Variants in RAP1GAP observed in about 807,000 individuals in gnomAD.
RAP1GAP encodes the protein RAP1 GTPase activating protein.
In RAP1GAP, 35 loss-of-function variants were observed where a neutral mutation model predicts 87.2. That is an observed-to-expected ratio of 0.40 (90% CI 0.31 to 0.53). The LOEUF (loss-of-function observed/expected upper bound fraction) is 0.53, where lower values mean the gene tolerates loss of function less well. Among genes scored for constraint, RAP1GAP ranks in the 20% least tolerant of loss-of-function variants. The probability of loss-of-function intolerance (pLI) is 0.48; values close to 1 mark genes in which losing one functional copy is unlikely to be tolerated. For synonymous variants in RAP1GAP, 375 were observed against 363.9 expected (o/e 1.03, Z -0.35); for missense variants, 734 against 898.9 (o/e 0.82, Z 2.35).
rs1285816834 is a variant in RAP1GAP, at chr1:21,602,793, C to G, written c.1538+11G>C. 1 of 1,598,430 alleles carries G rather than the reference C, an allele frequency of 6.3e-7. No homozygotes were observed. Among genetic ancestry groups the G allele is most frequent in the Admixed American group, 1.7e-5 (1 of 59,780 alleles). On this transcript the variant is annotated intron_variant, in intron 19 of 24. Transcript: ENST00000374765. ...TGCAGGGGAATGGGGCACTGTCCCC[C>G]ACTCACCCACCTCTTCTCCTGCACC...
intron 21 of RAP1GAP, among the ~76,000 whole-genome samples, 188 bp from the exon 22 acceptor site, chr1:21,598,690 C>T (rs560757379): frequency 6.6e-6 from 1 of 152,328 alleles, no homozygotes; most frequent in African/African-American, 2.4e-5. Context: ...AGGCACAGAC[C>T]CAGGCACACG....
At chr1:21,645,388 G>A (rs1239200294) in intron 2 of RAP1GAP, among the ~76,000 whole-genome samples, 1 of 152,138 alleles carries the variant, frequency 6.6e-6, no homozygotes, top group Non-Finnish European at 1.5e-5. Flanking sequence ...GCTGAGGGAG[G>A]AGGATCGCTT....
At chr1:21,637,811 A>C (rs1039049121) in intron 2 of RAP1GAP, among the ~76,000 whole-genome samples, 8 of 152,098 alleles carry the variant, frequency 5.3e-5, no homozygotes, top group Non-Finnish European at 8.8e-5. Context: ...CAAAAATCTC[A>C]TTTGTAAAAA....
At chr1:21,660,352 T>TATATATATA (rs1248298305) in intron 1 of RAP1GAP, among the ~76,000 whole-genome samples, 14 of 85,888 alleles carry the variant, frequency 1.6e-4, no homozygotes, top group East Asian at 6.2e-4. Context: ...TATATATTTA[T>TATATATATA]TGAGACAGTC....
At chr1:21,639,600 C>T (rs1036506735) in intron 2 of RAP1GAP, among the ~76,000 whole-genome samples, 5 of 152,148 alleles carry the variant, frequency 3.3e-5, no homozygotes, top group African/African-American at 7.2e-5. Flanking sequence ...AGAGAATGCA[C>T]GTGAAAGTAC....
chr1:21,605,620 G>A (rs1340394478), intron 18 of RAP1GAP, among the ~76,000 whole-genome samples: 1 of 151,904 alleles, frequency 6.6e-6, no homozygotes, highest in Admixed American at 6.6e-5. Context: ...TGTCCACACA[G>A]CAGCCCAGGG....
intron 1 of RAP1GAP, among the ~76,000 whole-genome samples, chr1:21,660,874 T>C (rs947283276): frequency 6.6e-6 from 1 of 152,158 alleles, no homozygotes; most frequent in Non-Finnish European, 1.5e-5. Flanking sequence ...TGCCTTCATT[T>C]ACCCCAGGGG....
intron 18 of RAP1GAP, among the ~76,000 whole-genome samples, chr1:21,605,524 G>A (rs1279338819): frequency 6.6e-6 from 1 of 152,080 alleles, no homozygotes; most frequent in Non-Finnish European, 1.5e-5. Context: ...CAGAGTTGAT[G>A]CCCACACAGC....
At position 21,608,446 on chromosome 1, in the gene RAP1GAP, T is replaced by C. The variant is rs577956623; in HGVS notation, c.1159-96A>G. Reference sequence around the variant, plus strand: ...GCCACCTTCTGAGGCACGGGCCACCTTCTCTGAATGAGTGGGGAGTGGGGA... The same window carrying C: ...GCCACCTTCTGAGGCACGGGCCACCCTCTCTGAATGAGTGGGGAGTGGGGA... On this transcript the variant is annotated intron_variant, in intron 16 of 24. Transcript: ENST00000374765. 269 of 1,488,262 alleles carry C rather than the reference T, an allele frequency of 1.8e-4. 4 individuals are homozygous for C. In the Middle Eastern group the frequency reaches 2.6e-3, roughly 15 times the overall value. 92.2% of individuals were successfully genotyped at this position (1,488,262 alleles called of 1,614,324 possible).
chr1:21,610,133 C>A lies in RAP1GAP; in HGVS notation c.986G>T (p.Gly329Val), dbSNP rs2077329159. The A allele has an allele frequency of 6.2e-7, 1 of 1,613,758 alleles. No homozygotes were observed. The highest frequency in any genetic ancestry group is 1.3e-5 in the African/African-American group (1 of 74,914). The change falls in exon 14 of 25, where the codon GGC becomes GTC. Residue 329 changes from glycine (G) to valine (V), a missense_variant. Transcript: ENST00000374765. Reference sequence around the variant, plus strand: ...AAGAGCGCCCACCTTGTAGAGGGGGCCATCAGGGCCCCCGCCCTCAGCCTG... The same window carrying A: ...AAGAGCGCCCACCTTGTAGAGGGGGACATCAGGGCCCCCGCCCTCAGCCTG... The part of the protein sequence containing the change: ...VVQAEGGGPD[G>V]PLYKVSVTAR...
intron 1 of RAP1GAP, among the ~76,000 whole-genome samples, chr1:21,658,013 C>T (rs1016948576): frequency 1.3e-5 from 2 of 152,020 alleles, no homozygotes; most frequent in African/African-American, 4.8e-5. Flanking sequence ...ATGACGGGGT[C>T]GCCACTGTCA....
chr1:21,598,552 C>A, intron 21 of RAP1GAP, 50 bp from the exon 22 acceptor site: 1 of 1,427,094 alleles, frequency 7.0e-7, no homozygotes, highest in Non-Finnish European at 9.8e-7. Context: ...GCCCTTGGCA[C>A]TGGCTAGGGC....
At chr1:21,651,478 C>T (rs748389783) in intron 1 of RAP1GAP, 1 of 621,198 alleles carries the variant, frequency 1.6e-6, no homozygotes, top group Admixed American at 1.9e-5. Flanking sequence ...CAGTCACATG[C>T]ATAAGCGCCA....
chr1:21,600,114 A>C (rs917995437), intron 20 of RAP1GAP, among the ~76,000 whole-genome samples: 5 of 152,184 alleles, frequency 3.3e-5, no homozygotes, highest in Admixed American at 6.5e-5. Context: ...GTTGAGGTCC[A>C]GGCAACTCCA....
At chr1:21,667,635 C>T (rs1338393632) in intron 1 of RAP1GAP, 1 of 152,482 alleles carries the variant, frequency 6.6e-6, no homozygotes, top group African/African-American at 2.4e-5. Context: ...ACATGGACCA[C>T]TCCACCACGG....
Position 21,615,756 on chromosome 1 carries a change from A to G in RAP1GAP, c.291+1550T>C, listed in dbSNP as rs2081629549. Among the ~76,000 whole-genome samples, 1 of 152,108 alleles carries G rather than the reference A, an allele frequency of 6.6e-6. No homozygotes were observed. On this transcript the variant is annotated intron_variant, in intron 7 of 24. Transcript: ENST00000374765. This position sits in a 1 kb window ranked among gnomAD's most constrained non-coding sequence, Gnocchi z 4.5. ...GCTGCACTCGAGGTCCACTACCTTC[A>G]TCTGTTCCTACCTTCATCTGTCACT...
intron 19 of RAP1GAP, 60 bp from the exon 20 acceptor site, chr1:21,601,857 G>T: frequency 1.7e-6 from 2 of 1,205,242 alleles, no homozygotes; most frequent in Non-Finnish European, 2.3e-6. Flanking sequence ...CAGGCGTAGC[G>T]TGAGGCCCAG....
chr1:21,649,880 C>T, intron 1 of RAP1GAP, 84 bp from the exon 2 acceptor site: 1 of 1,370,134 alleles, frequency 7.3e-7, no homozygotes, highest in South Asian at 1.3e-5. Context: ...ACCTGCACTG[C>T]ACCACCCTCC....
At position 21,608,365 on chromosome 1, in the gene RAP1GAP, C is replaced by A; in HGVS notation, c.1159-15G>T. 1 of 1,610,088 alleles carries A rather than the reference C, an allele frequency of 6.2e-7. No individual in the cohort carries two copies. Among genetic ancestry groups the A allele is most frequent in the South Asian group, 1.1e-5 (1 of 90,962 alleles). ...CGCGTCCGCTCCTGTGGGCCAGGCCCGGGCCGTCAGGAGGGACCCCAAGGA... is the reference window on the plus strand; with the variant it reads ...CGCGTCCGCTCCTGTGGGCCAGGCCAGGGCCGTCAGGAGGGACCCCAAGGA... On this transcript the variant is annotated splice_polypyrimidine_tract_variant and intron_variant, in intron 16 of 24. Coordinates refer to ENST00000374765, the MANE Select transcript of RAP1GAP (RefSeq NM_002885.4).
Sources: gnomAD v4.1 joint callset for allele counts (sites outside exome capture counted in the v4.1 genomes callset) on GRCh38, gnomAD v4.1.1 for gene constraint, Gnocchi (gnomAD v3.1) non-coding constraint, MANE v1.5 for transcripts, NCBI Gene and HGNC (gene_info 2026-07-23, HGNC 2026-07-21) for gene names.